Variants in CORIN observed in about 807,000 individuals in gnomAD.
CORIN encodes the protein corin, serine peptidase.
Under a neutral mutation model 125.3 loss-of-function variants are expected in CORIN, and 117 were observed. That is an observed-to-expected ratio of 0.93 (90% confidence interval 0.80 to 1.09). The LOEUF is 1.09. CORIN is among the 50% of genes least tolerant of loss of function. The probability of loss-of-function intolerance (pLI) is 0.00; values close to 1 mark genes in which losing one functional copy is unlikely to be tolerated. For missense variants in CORIN, 1,253 were observed against 1,306.7 expected, an observed-to-expected ratio of 0.96 and a Z score of 0.63; for synonymous variants, 450 against 466.4, an observed-to-expected ratio of 0.96 and a Z score of 0.45.
rs1725391666 is a variant in CORIN, at chr4:47,683,773, C to T, written c.979G>A (p.Gly327Arg). ...KCLNYSLVCD[G>R]YDDCGDLSDE... ...CTCAAATCCCCACAGTCATCATATC[C>T]ATCACACACAAGGCTGTAATTAAGG... The change falls in exon 7 of 22, where the codon GGA (glycine) becomes AGA (arginine). Residue 327 changes from glycine to arginine, a missense_variant. Gly to Arg is a moderately radical substitution (Grantham distance 125). Transcript: ENST00000273857. 11 of 1,613,780 alleles carry T rather than the reference C, an allele frequency of 6.8e-6. No individual in the cohort carries two copies. Among genetic ancestry groups the T allele is most frequent in the Non-Finnish European group, 9.3e-6 (11 of 1,179,802 alleles).
chr4:47,817,555 G>A (rs2109969843), intron 1 of CORIN, among the ~76,000 whole-genome samples: 1 of 152,270 alleles, frequency 6.6e-6, no homozygotes, highest in Non-Finnish European at 1.5e-5. Flanking sequence ...TTTAGCTTCT[G>A]GAGGTGAACA....
chr4:47,601,999 A>G (rs1371757200), intron 20 of CORIN, among the ~76,000 whole-genome samples: 3 of 152,140 alleles, frequency 2.0e-5, no homozygotes, highest in Admixed American at 6.5e-5. Flanking sequence ...TGGACAGAGT[A>G]GGCAGCACTT....
chr4:47,690,990 T>C (rs977640355), intron 6 of CORIN, among the ~76,000 whole-genome samples: 2 of 152,248 alleles, frequency 1.3e-5, no homozygotes, highest in Admixed American at 6.5e-5. Flanking sequence ...TTTTGTGATA[T>C]GTTCATGGGA....
chr4:47,756,294 A>G (rs1347238881), intron 4 of CORIN, among the ~76,000 whole-genome samples: 1 of 152,230 alleles, frequency 6.6e-6, no homozygotes, highest in Non-Finnish European at 1.5e-5. Context: ...CAACAACACT[A>G]GAGAAGCAAA....
intron 16 of CORIN, among the ~76,000 whole-genome samples, chr4:47,634,564 G>A (rs528510469): frequency 1.3e-5 from 2 of 152,322 alleles, no homozygotes; most frequent in East Asian, 1.9e-4. Flanking sequence ...AACCTGGGAG[G>A]TGGAGGTTGC....
At chr4:47,726,064 G>T (rs1284235901) in intron 5 of CORIN, among the ~76,000 whole-genome samples, 2 of 152,002 alleles carry the variant, frequency 1.3e-5, no homozygotes, top group Non-Finnish European at 2.9e-5. Flanking sequence ...ACACCTATTA[G>T]AGTGGTCAAA....
intron 5 of CORIN, among the ~76,000 whole-genome samples, chr4:47,732,615 G>C (rs1053028817): frequency 1.3e-5 from 2 of 149,868 alleles, no homozygotes; most frequent in Admixed American, 6.7e-5. Flanking sequence ...CCAGGCTGGA[G>C]TGCAGTGGCA....
chr4:47,786,180 C>T (rs762366500), intron 3 of CORIN, among the ~76,000 whole-genome samples: 7 of 152,122 alleles, frequency 4.6e-5, no homozygotes, highest in Admixed American at 1.3e-4. Context: ...GGCATTGATA[C>T]GTTTTCATTT....
chr4:47,795,740 G>A (rs1731260812), intron 2 of CORIN, among the ~76,000 whole-genome samples: 1 of 151,570 alleles, frequency 6.6e-6, no homozygotes, highest in Admixed American at 6.6e-5. Flanking sequence ...GTAAAAATAA[G>A]AAACTCACAA....
At chr4:47,761,494 C>CAA (rs1386086886) in intron 4 of CORIN, among the ~76,000 whole-genome samples, 1 of 151,900 alleles carries the variant, frequency 6.6e-6, no homozygotes, top group Admixed American at 6.6e-5. Flanking sequence ...CACACACACA[C>CAA]ACACACACAC....
chr4:47,785,723 C>A (rs541294870), intron 3 of CORIN, among the ~76,000 whole-genome samples: 2 of 151,934 alleles, frequency 1.3e-5, no homozygotes, highest in South Asian at 4.2e-4. Context: ...ACCAGCCTGA[C>A]TAACATGGTG....
chr4:47,658,050 C>T (rs573803095), intron 12 of CORIN, among the ~76,000 whole-genome samples: 1 of 152,274 alleles, frequency 6.6e-6, no homozygotes, highest in Admixed American at 6.5e-5. Flanking sequence ...AATTCAAAGC[C>T]TTATCCCAAA....
chr4:47,666,477 C>G (rs765556206), intron 10 of CORIN, among the ~76,000 whole-genome samples: 2 of 152,140 alleles, frequency 1.3e-5, no homozygotes, highest in African/African-American at 4.8e-5. Flanking sequence ...AAAGGATGCA[C>G]GCGCTGGTAG....
chr4:47,654,791 G>C (rs550123271), intron 12 of CORIN, among the ~76,000 whole-genome samples: 1 of 152,086 alleles, frequency 6.6e-6, no homozygotes. Flanking sequence ...GCTGGGCTTG[G>C]AGACAGTGGA....
intron 5 of CORIN, among the ~76,000 whole-genome samples, chr4:47,723,089 T>G (rs17601635): frequency 6.6e-6 from 1 of 152,090 alleles, no homozygotes; most frequent in Non-Finnish European, 1.5e-5. Flanking sequence ...GAGACATCTC[T>G]TCTCCTGACC....
At chr4:47,706,627 C>T in intron 5 of CORIN, 3 of 1,605,778 alleles carry the variant, frequency 1.9e-6, no homozygotes, top group Admixed American at 1.7e-5. Context: ...CAAGCCTGTC[C>T]ATCATGGTGT....
chr4:47,678,020 A>C lies in CORIN; in HGVS notation c.1167T>G (p.Asn389Lys). 1.2e-6 allele frequency: 2 copies of C among 1,614,006 alleles called. No individual in the cohort carries two copies. Among genetic ancestry groups the C allele is most frequent in the Non-Finnish European group, 1.7e-6 (2 of 1,179,924 alleles). The part of the protein sequence containing the change: ...CHSQGLVECR[N>K]GQCIPSTFQC... ...GAAACGTGCTGGGGATACATTGTCC[A>C]TTTCTGCATTCCACCAGACCCTGGC... Residue 389 changes from asparagine (N) to lysine (K), a missense_variant, in exon 9 of 22, where the codon AAT becomes AAG. Physicochemically the swap from Asn to Lys is moderately conservative, Grantham distance 94. Coordinates refer to ENST00000273857, the MANE Select transcript of CORIN (RefSeq NM_006587.4).
intron 13 of CORIN, among the ~76,000 whole-genome samples, chr4:47,649,391 C>G (rs1042181145): frequency 6.6e-6 from 1 of 152,214 alleles, no homozygotes; most frequent in Non-Finnish European, 1.5e-5. Flanking sequence ...TCTCTTTTGC[C>G]ATAAACAGCT....
intron 19 of CORIN, among the ~76,000 whole-genome samples, chr4:47,622,621 T>G (rs528002895): frequency 6.6e-6 from 1 of 152,124 alleles, no homozygotes; most frequent in African/African-American, 2.4e-5. Context: ...CATTTTTTCA[T>G]GTGTTTTTTG....
Sources: gnomAD v4.1 joint callset for allele counts (sites outside exome capture counted in the v4.1 genomes callset) on GRCh38, gnomAD v4.1.1 for gene constraint, MANE v1.5 for transcripts, NCBI Gene and HGNC (gene_info 2026-07-23, HGNC 2026-07-21) for gene names.